Variants in CNTNAP2 observed in about 807,000 individuals in gnomAD.
CNTNAP2 encodes the protein contactin-associated protein-like 2.
A neutral mutation model predicts 155.2 loss-of-function variants in CNTNAP2; 98 were observed. The ratio of observed to expected loss-of-function variants is 0.63; its 90% CI spans 0.54 to 0.75. The LOEUF is 0.75. Ranked by LOEUF, CNTNAP2 falls within the 30% of genes least tolerant of loss-of-function variation. The pLI is 0.00. For synonymous variants in CNTNAP2, 651 were observed against 631.2 expected (o/e 1.03, Z -0.47); for missense variants, 1,727 against 1,688.1 (o/e 1.02, Z -0.40).
intron 1 of CNTNAP2, among the ~76,000 whole-genome samples, chr7:146,182,009 T>C (rs1798556197): frequency 6.6e-6 from 1 of 152,150 alleles, no homozygotes; most frequent in African/African-American, 2.4e-5. Flanking sequence ...TATATTTTAA[T>C]GTCCAGGTTA....
intron 1 of CNTNAP2, 89 bp downstream of exon 1, chr7:146,117,062 C>T: frequency 9.2e-7 from 1 of 1,086,138 alleles, no homozygotes. Flanking sequence ...AAGTGCATCG[C>T]AGTGCTGGCA....
intron 8 of CNTNAP2, among the ~76,000 whole-genome samples, chr7:147,280,219 C>T (rs1805001233): frequency 6.6e-6 from 1 of 151,882 alleles, no homozygotes; most frequent in African/African-American, 2.4e-5. Context: ...TTTCTGTTTG[C>T]TTGAGTTCCC....
At chr7:148,099,685 A>C (rs1204322977) in intron 15 of CNTNAP2, among the ~76,000 whole-genome samples, 3 of 152,032 alleles carry the variant, frequency 2.0e-5, no homozygotes, top group Non-Finnish European at 4.4e-5. Flanking sequence ...AAAAGTAATG[A>C]AAAGGGTCTA....
chr7:147,651,537 A>T (rs1342392123), intron 13 of CNTNAP2, among the ~76,000 whole-genome samples: 2 of 152,164 alleles, frequency 1.3e-5, no homozygotes, highest in African/African-American at 4.8e-5. Flanking sequence ...TTATTCCCTC[A>T]TTTGTATCAC....
At chr7:147,117,672 G>T (rs1801016950) in intron 5 of CNTNAP2, among the ~76,000 whole-genome samples, 1 of 152,062 alleles carries the variant, frequency 6.6e-6, no homozygotes, top group Non-Finnish European at 1.5e-5. Context: ...ACCAATTTGA[G>T]TGGTCCAAAC....
chr7:147,702,141 G>A (rs550573848), intron 13 of CNTNAP2, among the ~76,000 whole-genome samples: 3 of 150,610 alleles, frequency 2.0e-5, no homozygotes, highest in Middle Eastern at 3.2e-3. Flanking sequence ...AATGAAGCTG[G>A]GGTGGTTAAT....
intron 14 of CNTNAP2, among the ~76,000 whole-genome samples, chr7:147,946,688 T>A (rs959681588): frequency 6.6e-6 from 1 of 152,014 alleles, no homozygotes; most frequent in Non-Finnish European, 1.5e-5. Context: ...TGAGAAGGAA[T>A]AGCTGTGAGA....
intron 3 of CNTNAP2, among the ~76,000 whole-genome samples, chr7:146,996,012 GT>G (rs200740490): frequency 9.3e-5 from 14 of 149,808 alleles, no homozygotes; most frequent in East Asian, 7.9e-4. Context: ...TTTTGTTTTT[GT>G]TTTTTTTTAG....
chr7:147,585,191 C>T (rs897814376), intron 12 of CNTNAP2, among the ~76,000 whole-genome samples: 2 of 152,094 alleles, frequency 1.3e-5, no homozygotes, highest in African/African-American at 4.8e-5. Flanking sequence ...ATTTACAGAC[C>T]TGGGTTGGTT....
In CNTNAP2 at chr7:146,537,253, G is replaced by A. The variant is rs562390532; in HGVS notation, c.98-237018G>A. The stretch of plus-strand genomic sequence containing the variant: ...GTATTTAGGAGATAAATCTGACACA[G>A]AATTACTGTCTATTATTATAAATGT... On this transcript the variant is annotated intron_variant, in intron 1 of 23. Coordinates refer to ENST00000361727, the MANE Select transcript of CNTNAP2 (RefSeq NM_014141.6). Among the ~76,000 whole-genome samples, 2 of 151,990 alleles carry A rather than the reference G, an allele frequency of 1.3e-5. 1 individual carries two copies. The highest frequency in any genetic ancestry group is 4.1e-4 in the South Asian group (2 of 4,820).
intron 12 of CNTNAP2, among the ~76,000 whole-genome samples, chr7:147,603,450 A>G (rs1022478645): frequency 1.3e-5 from 2 of 152,178 alleles, no homozygotes; most frequent in East Asian, 3.9e-4. Flanking sequence ...GAGCCAAATC[A>G]TGAGTGAACT....
At chr7:146,811,275 T>C (rs1440059955) in intron 2 of CNTNAP2, among the ~76,000 whole-genome samples, 1 of 152,204 alleles carries the variant, frequency 6.6e-6, no homozygotes, top group Non-Finnish European at 1.5e-5. Flanking sequence ...AGGCTTTCTT[T>C]GTTTTTAATG....
intron 8 of CNTNAP2, among the ~76,000 whole-genome samples, chr7:147,175,002 A>T (rs951581871): frequency 6.6e-6 from 1 of 152,166 alleles, no homozygotes; most frequent in Admixed American, 6.5e-5. Context: ...ATGAGGAAAC[A>T]TCTCAGGGAT....
intron 3 of CNTNAP2, among the ~76,000 whole-genome samples, chr7:146,892,181 C>A (rs1304596797): frequency 6.6e-6 from 1 of 152,280 alleles, no homozygotes; most frequent in East Asian, 1.9e-4. Flanking sequence ...CAATGGCTGG[C>A]AAGTTGATGC....
chr7:147,174,091 A>C (rs916846930), intron 8 of CNTNAP2, among the ~76,000 whole-genome samples: 2 of 152,148 alleles, frequency 1.3e-5, no homozygotes, highest in Non-Finnish European at 2.9e-5. Context: ...GCACAAAAAA[A>C]CCAGCAAACC....
intron 3 of CNTNAP2, among the ~76,000 whole-genome samples, chr7:147,010,426 A>T (rs1316032281): frequency 1.3e-5 from 2 of 152,122 alleles, no homozygotes. Context: ...TTCTTGAAAA[A>T]AATGATGACT....
Position 146,609,242 on chromosome 7 carries a change from T to C in CNTNAP2, c.98-165029T>C, listed in dbSNP as rs1287402865. 2.6e-5 allele frequency among the ~76,000 whole-genome samples: 4 copies of C among 152,238 alleles called. No individual in the cohort carries two copies. The South Asian group carries it at 8.3e-4, about 31-fold the overall frequency. ...ATCTTATTCTGATGATCAGGTGGTA[T>C]TGTTTTGTCTTCTTCTGTAGTGAGC... On this transcript the variant is annotated intron_variant, in intron 1 of 23. Transcript: ENST00000361727.
chr7:147,784,926 G>A (rs949563150), intron 13 of CNTNAP2, among the ~76,000 whole-genome samples: 17 of 152,024 alleles, frequency 1.1e-4, no homozygotes, highest in East Asian at 7.8e-4. Context: ...AAGAGGGCAG[G>A]GGAAACACCA....
At chr7:146,212,833 C>T (rs1292257948) in intron 1 of CNTNAP2, among the ~76,000 whole-genome samples, 2 of 152,146 alleles carry the variant, frequency 1.3e-5, no homozygotes, top group Non-Finnish European at 2.9e-5. Flanking sequence ...GGTTTCTGTT[C>T]AGTACATTGT....
Sources: allele counts gnomAD v4.1 joint callset (sites outside exome capture counted in the v4.1 genomes callset), GRCh38; gene constraint gnomAD v4.1.1; transcripts MANE v1.5; gene names NCBI Gene and HGNC (gene_info 2026-07-23, HGNC 2026-07-21).